The following MNAT1 variants were observed in gnomAD, a reference collection of about 807,000 sequenced individuals.
The protein encoded by MNAT1 is CDK-activating kinase assembly factor MAT1.
Under a neutral mutation model 42.0 loss-of-function variants are expected in MNAT1, and 43 were observed. The observed-to-expected ratio is 1.02, with a 90% CI of 0.80 to 1.32. The LOEUF is 1.32. MNAT1 is among the 40% of genes most tolerant of loss of function. MNAT1 has a pLI of 0.00. For missense variants in MNAT1, 306 were observed against 350.4 expected, an observed-to-expected ratio of 0.87 and a Z score of 1.01; for synonymous variants, 118 against 120.0, an observed-to-expected ratio of 0.98 and a Z score of 0.11.
chr14:60,909,763 C>T (rs536230608), intron 7 of MNAT1, among the ~76,000 whole-genome samples: 1 of 152,306 alleles, frequency 6.6e-6, no homozygotes, highest in African/African-American at 2.4e-5. Context: ...AGCGTGATGC[C>T]TCCAGCTTTG....
At position 60,911,324 on chromosome 14, in the gene MNAT1, G is replaced by A. The variant is rs550505675; in HGVS notation, c.809+31489G>A. 4.6e-5 allele frequency among the ~76,000 whole-genome samples: 7 copies of A among 151,822 alleles called. No homozygotes were observed. In the South Asian group the frequency reaches 8.3e-4, roughly 18 times the overall value. ...AAGGGTTTTTTGTGTCTCTATTTCC[G>A]TCAGTTCTGCTCTGACTTAGTTATG... On this transcript the variant is annotated intron_variant, in intron 7 of 7. Transcript: ENST00000261245.
chr14:60,827,375 T>A (rs1260985272), intron 6 of MNAT1, among the ~76,000 whole-genome samples: 1 of 152,202 alleles, frequency 6.6e-6, no homozygotes, highest in African/African-American at 2.4e-5. Flanking sequence ...AATTGCCTTT[T>A]CTGAGTGCAA....
At chr14:60,849,919 C>A (rs4151250) in intron 6 of MNAT1, among the ~76,000 whole-genome samples, 1 of 152,008 alleles carries the variant, frequency 6.6e-6, no homozygotes, top group Non-Finnish European at 1.5e-5. Flanking sequence ...TCACTGCAAC[C>A]TCCCCATCTC....
At chr14:60,959,750 G>A (rs2036554029) in intron 7 of MNAT1, among the ~76,000 whole-genome samples, 1 of 152,084 alleles carries the variant, frequency 6.6e-6, no homozygotes, top group African/African-American at 2.4e-5. Flanking sequence ...ATTGTTCTTT[G>A]TGAAGAAAAC....
At chr14:60,966,092 C>T (rs749920400) in intron 7 of MNAT1, among the ~76,000 whole-genome samples, 1 of 151,870 alleles carries the variant, frequency 6.6e-6, no homozygotes. Flanking sequence ...CAATCCTATG[C>T]GACCTAAGGT....
intron 6 of MNAT1, among the ~76,000 whole-genome samples, chr14:60,834,555 G>C (rs915860118): frequency 1.2e-4 from 18 of 152,156 alleles, no homozygotes; most frequent in African/African-American, 4.3e-4. Context: ...TTTTGCATTT[G>C]CTGAGGAGTG....
At chr14:60,953,327 G>C (rs1003401084) in intron 7 of MNAT1, among the ~76,000 whole-genome samples, 5 of 152,076 alleles carry the variant, frequency 3.3e-5, no homozygotes, top group African/African-American at 1.2e-4. Flanking sequence ...TAAAAGATTA[G>C]CAAGCAAGAT....
intron 7 of MNAT1, among the ~76,000 whole-genome samples, chr14:60,898,918 T>G (rs533532168): frequency 6.6e-6 from 1 of 152,174 alleles, no homozygotes; most frequent in East Asian, 1.9e-4. Context: ...TAATTCACCT[T>G]GAGTTGATTT....
intron 1 of MNAT1, among the ~76,000 whole-genome samples, chr14:60,754,560 A>G (rs1002361300): frequency 6.6e-6 from 1 of 151,906 alleles, no homozygotes; most frequent in Non-Finnish European, 1.5e-5. Flanking sequence ...CGTGTTAGCC[A>G]CGATGGTCTC....
intron 1 of MNAT1, chr14:60,780,566 GT>G (rs1271337615): frequency 1.3e-6 from 2 of 1,520,304 alleles, no homozygotes; most frequent in Non-Finnish European, 1.8e-6. Flanking sequence ...AAATAGCATG[GT>G]GGCCTACAAA....
chr14:60,909,677 G>A (rs548838521), intron 7 of MNAT1, among the ~76,000 whole-genome samples: 281 of 152,054 alleles, frequency 1.8e-3, no homozygotes, highest in African/African-American at 6.5e-3. Flanking sequence ...TGTTCCATTG[G>A]TCTATATGTC....
At chr14:60,837,863 TATTTAAG>T (rs1453778037) in intron 6 of MNAT1, among the ~76,000 whole-genome samples, 3 of 152,220 alleles carry the variant, frequency 2.0e-5, no homozygotes, top group African/African-American at 4.8e-5. Flanking sequence ...TTAGCTATAC[TATTTAAG>T]ATTCTGTGGG....
At chr14:60,823,929 C>T (rs1352283292) in intron 6 of MNAT1, among the ~76,000 whole-genome samples, 2 of 151,874 alleles carry the variant, frequency 1.3e-5, no homozygotes, top group African/African-American at 2.4e-5. Context: ...GAGGGTGAGG[C>T]GGGTGGATCA....
intron 3 of MNAT1, among the ~76,000 whole-genome samples, chr14:60,800,081 A>C (rs989494301): frequency 6.6e-6 from 1 of 152,134 alleles, no homozygotes; most frequent in East Asian, 1.9e-4. Context: ...TGCATTGTGA[A>C]TGCCATCAAC....
intron 6 of MNAT1, among the ~76,000 whole-genome samples, chr14:60,877,780 G>T (rs769724436): frequency 6.6e-6 from 1 of 152,004 alleles, no homozygotes; most frequent in Non-Finnish European, 1.5e-5. Context: ...ATATATACCT[G>T]AGTGGCACTT....
In MNAT1 at chr14:60,826,982, A is replaced by G. The variant is rs529686975; in HGVS notation, c.687+8135A>G. 3.9e-5 allele frequency among the ~76,000 whole-genome samples: 6 copies of G among 152,184 alleles called. No individual in the cohort carries two copies. In the East Asian group the frequency reaches 9.7e-4, roughly 24 times the overall value. On this transcript the variant is annotated intron_variant, in intron 6 of 7. Coordinates refer to ENST00000261245, the MANE Select transcript of MNAT1 (RefSeq NM_002431.4). ...CAAGCGAAGGCACATTGGTCATCTC[A>G]TAAATTAGGATTGAGATTCTACGGC...
At chr14:60,947,222 C>A (rs534431227) in intron 7 of MNAT1, among the ~76,000 whole-genome samples, 6 of 151,954 alleles carry the variant, frequency 3.9e-5, no homozygotes, top group Non-Finnish European at 7.4e-5. Flanking sequence ...CAATATCTTC[C>A]TAGGACCCCA....
At chr14:60,901,967 A>G (rs915592084) in intron 7 of MNAT1, among the ~76,000 whole-genome samples, 1 of 152,220 alleles carries the variant, frequency 6.6e-6, no homozygotes, top group African/African-American at 2.4e-5. Flanking sequence ...TCTAATTTTT[A>G]AAGAAGTTCT....
At chr14:60,779,846 T>C (rs768836582) in intron 1 of MNAT1, 122 of 619,212 alleles carry the variant, frequency 2.0e-4, no homozygotes, top group Non-Finnish European at 2.5e-4. Flanking sequence ...GTGAACTTAC[T>C]CTAAGAAGCA....
Sources: gnomAD v4.1 joint callset for allele counts (sites outside exome capture counted in the v4.1 genomes callset) on GRCh38, gnomAD v4.1.1 for gene constraint, MANE v1.5 for transcripts, NCBI Gene and HGNC (gene_info 2026-07-23, HGNC 2026-07-21) for gene names.